YAP1: variants seen among roughly 807,000 people sequenced by gnomAD.
YAP1 encodes the protein Yes1 associated transcriptional regulator.
In YAP1, 5 loss-of-function variants were observed where a neutral mutation model predicts 56.9. The ratio of observed to expected loss-of-function variants is 0.09; its 90% CI spans 0.05 to 0.18. YAP1 has a LOEUF of 0.18. Among genes scored for constraint, YAP1 ranks in the 10% least tolerant of loss-of-function variants. The pLI is 1.00. For missense variants in YAP1, 539 were observed against 651.8 expected (o/e 0.83, Z 1.88); for synonymous variants, 265 against 248.1 (o/e 1.07, Z -0.64).
At chr11:102,202,650 T>G (rs1948931428) in intron 4 of YAP1, among the ~76,000 whole-genome samples, 1 of 152,158 alleles carries the variant, frequency 6.6e-6, no homozygotes, top group Non-Finnish European at 1.5e-5. Flanking sequence ...AATTCTTATT[T>G]ATAGAACTTC....
chr11:102,226,107 G>A (rs1950181223), intron 7 of YAP1, among the ~76,000 whole-genome samples: 1 of 152,214 alleles, frequency 6.6e-6, no homozygotes. Context: ...ATGCTTAGCA[G>A]CCGAATAGAG....
intron 3 of YAP1, among the ~76,000 whole-genome samples, chr11:102,184,762 A>G (rs1320018571): frequency 6.6e-6 from 1 of 152,204 alleles, no homozygotes; most frequent in Non-Finnish European, 1.5e-5. Context: ...ATTTGTGCAT[A>G]GGAGGGATAC....
chr11:102,204,381 C>T (rs548836706), intron 4 of YAP1, among the ~76,000 whole-genome samples: 1 of 152,190 alleles, frequency 6.6e-6, no homozygotes. Context: ...AGATGCTGTG[C>T]TAGGTATTGA....
At chr11:102,149,679 T>C (rs1391282592) in intron 2 of YAP1, among the ~76,000 whole-genome samples, 1 of 152,228 alleles carries the variant, frequency 6.6e-6, no homozygotes, top group Non-Finnish European at 1.5e-5. Flanking sequence ...TTTGTGATCA[T>C]GGAAAAGTAG....
chr11:102,171,166 C>T (rs1946880309), intron 3 of YAP1, among the ~76,000 whole-genome samples: 1 of 152,046 alleles, frequency 6.6e-6, no homozygotes, highest in Non-Finnish European at 1.5e-5. Flanking sequence ...AAATTATTTC[C>T]ATTTAAGAAC....
At chr11:102,180,921 A>G (rs1392398273) in intron 3 of YAP1, among the ~76,000 whole-genome samples, 1 of 151,152 alleles carries the variant, frequency 6.6e-6, no homozygotes, top group East Asian at 1.9e-4. Flanking sequence ...TCGAGGTGGG[A>G]GGATCTCTTG....
chr11:102,123,162 A>G (rs895487451), intron 2 of YAP1, among the ~76,000 whole-genome samples: 2 of 152,174 alleles, frequency 1.3e-5, no homozygotes, highest in African/African-American at 4.8e-5. Flanking sequence ...ATGACAATTC[A>G]TGTTGTGCCT....
At chr11:102,192,060 C>T (rs746522661) in intron 4 of YAP1, among the ~76,000 whole-genome samples, 1 of 152,188 alleles carries the variant, frequency 6.6e-6, no homozygotes, top group Non-Finnish European at 1.5e-5. Flanking sequence ...CCAATTCTTG[C>T]CTCACCGATC....
intron 2 of YAP1, among the ~76,000 whole-genome samples, chr11:102,124,204 C>T (rs1263996777): frequency 2.0e-5 from 3 of 150,622 alleles, no homozygotes; most frequent in African/African-American, 7.3e-5. Flanking sequence ...CTGCCTGCCT[C>T]AGCCTCCCAA....
At chr11:102,160,780 T>A (rs1946224646) in intron 2 of YAP1, among the ~76,000 whole-genome samples, 1 of 152,168 alleles carries the variant, frequency 6.6e-6, no homozygotes, top group South Asian at 2.1e-4. Context: ...TACCTCCTAT[T>A]ACAGTGGAAG....
intron 3 of YAP1, among the ~76,000 whole-genome samples, chr11:102,177,106 A>C (rs1190368064): frequency 6.6e-6 from 1 of 152,128 alleles, no homozygotes; most frequent in Non-Finnish European, 1.5e-5. Context: ...GAGCAACTGC[A>C]GTTGTGAAGG....
Position 102,233,048 on chromosome 11 carries a change from A to AT in YAP1, c.*3110dup, listed in dbSNP as rs776609286. On this transcript the variant is annotated 3_prime_UTR_variant, in exon 9 of 9. Transcript: ENST00000282441. ...TACCAATCAGTGTTGAAACTCAAAC[A>AT]TTGCAAAAGTGGGTGGCAATATTCA... The AT allele has an allele frequency of 1.3e-5, 2 of 152,238 alleles. No homozygotes were observed. The highest frequency in any genetic ancestry group is 2.9e-5 in the Non-Finnish European group (2 of 68,040). The allele number at this position is 152,238 out of a possible 1,614,324, so 9.4% of individuals were successfully genotyped here. A position where few individuals can be genotyped will look rare whatever the true frequency, so the allele number is the denominator to read the frequency against.
intron 4 of YAP1, among the ~76,000 whole-genome samples, chr11:102,193,013 A>G (rs746586637): frequency 2.6e-5 from 4 of 152,216 alleles, no homozygotes; most frequent in African/African-American, 4.8e-5. Context: ...AAACATGTTC[A>G]TGTTAGCAAA....
intron 2 of YAP1, among the ~76,000 whole-genome samples, chr11:102,146,505 C>A (rs1945329381): frequency 6.6e-6 from 1 of 152,164 alleles, no homozygotes; most frequent in South Asian, 2.1e-4. Context: ...GTCTTACACA[C>A]CCCTCATTTT....
intron 3 of YAP1, among the ~76,000 whole-genome samples, chr11:102,180,310 A>G (rs1947516964): frequency 6.6e-6 from 1 of 152,114 alleles, no homozygotes; most frequent in Non-Finnish European, 1.5e-5. Flanking sequence ...ATACTGGACA[A>G]AAATGGAAAA....
At chr11:102,229,602 A>C in intron 8 of YAP1, 100 bp from the exon 9 acceptor site, 1 of 1,047,032 alleles carries the variant, frequency 9.6e-7, no homozygotes, top group Non-Finnish European at 1.4e-6. Context: ...GTCAGTCAGG[A>C]GCGCTTTTCT....
intron 2 of YAP1, among the ~76,000 whole-genome samples, chr11:102,141,790 A>G (rs1945040781): frequency 6.6e-6 from 1 of 152,166 alleles, no homozygotes. Context: ...GGTAAGGCCC[A>G]TTGGACCCAC....
rs893082743 is a variant in YAP1 at position 102,203,394 on chromosome 11, G to T, written c.803-2499G>T. ...AAATGTAGACATGGGATGGACTTTT[G>T]ATAATATTAAGGAATTGGTAAATTT... On this transcript the variant is annotated intron_variant, in intron 4 of 8. Transcript: ENST00000282441. Among the ~76,000 whole-genome samples, 6 of 152,278 alleles carry T rather than the reference G, an allele frequency of 3.9e-5. No individual in the cohort carries two copies. The South Asian group carries it at 1.2e-3, about 32-fold the overall frequency.
chr11:102,114,092 A>G lies in YAP1; in HGVS notation c.322-52A>G, dbSNP rs1013254370. On this transcript the variant is annotated intron_variant, in intron 1 of 8. Transcript: ENST00000282441. ...AGCGCTGACTGGGAAATTTAAAGGG[A>G]CTCAGTTGTGTTTTTTCTTTTTTAA... is the stretch of plus-strand genomic sequence containing the variant. 3.5e-5 allele frequency: 54 copies of G among 1,535,262 alleles called. No individual in the cohort carries two copies. In the African/African-American group the frequency reaches 6.7e-4, roughly 19 times the overall value.
Sources: gnomAD v4.1 joint callset for allele counts (sites outside exome capture counted in the v4.1 genomes callset) on GRCh38, gnomAD v4.1.1 for gene constraint, MANE v1.5 for transcripts, NCBI Gene and HGNC (gene_info 2026-07-23, HGNC 2026-07-21) for gene names.